The following NOL4 variants were observed in gnomAD, a reference collection of about 807,000 sequenced individuals.
The protein encoded by NOL4 is nucleolar protein 4, also known as cancer/testis antigen 125.
In NOL4, 17 loss-of-function variants were observed where a neutral mutation model predicts 75.9. That is an observed-to-expected ratio of 0.22 (90% CI 0.15 to 0.34). The LOEUF is 0.34. NOL4 is among the 10% of genes least tolerant of loss of function. NOL4 has a pLI of 1.00. For synonymous variants in NOL4, 292 were observed against 289.9 expected, an observed-to-expected ratio of 1.01 and a Z score of -0.07; for missense variants, 614 against 793.5, an observed-to-expected ratio of 0.77 and a Z score of 2.72.
At chr18:34,046,737 C>A (rs2076398806) in intron 5 of NOL4, among the ~76,000 whole-genome samples, 1 of 149,588 alleles carries the variant, frequency 6.7e-6, no homozygotes, top group South Asian at 2.1e-4. Context: ...CTGCTCACTG[C>A]CTTCTGCAGT....
intron 1 of NOL4, chr18:34,220,894 G>T (rs1231602020): frequency 4.0e-5 from 6 of 151,738 alleles, no homozygotes; most frequent in Admixed American, 2.6e-4. Flanking sequence ...CCCTGAAGTT[G>T]TCACTCTATA....
chr18:34,071,898 C>T (rs2077535072), intron 5 of NOL4, among the ~76,000 whole-genome samples: 1 of 151,964 alleles, frequency 6.6e-6, no homozygotes, highest in Non-Finnish European at 1.5e-5. Context: ...ATATGATAAC[C>T]TACAGAGCTA....
intron 10 of NOL4, among the ~76,000 whole-genome samples, chr18:33,856,679 G>A (rs1217753360): frequency 1.3e-5 from 2 of 151,976 alleles, no homozygotes; most frequent in Non-Finnish European, 2.9e-5. Context: ...TTTACTACAG[G>A]GGTTGGTGAA....
intron 5 of NOL4, chr18:34,048,459 T>G: frequency 2.2e-5 from 22 of 985,406 alleles, no homozygotes; most frequent in Non-Finnish European, 2.7e-5. Context: ...GCTCTTCAAC[T>G]TAAATACCAA....
chr18:34,081,542 T>G (rs1226218236), intron 5 of NOL4, among the ~76,000 whole-genome samples: 2 of 152,156 alleles, frequency 1.3e-5, no homozygotes, highest in Admixed American at 1.3e-4. Context: ...ACATATATAT[T>G]TTATTGTATG....
chr18:33,858,100 T>C (rs1310342528), intron 10 of NOL4, among the ~76,000 whole-genome samples: 1 of 152,114 alleles, frequency 6.6e-6, no homozygotes, highest in African/African-American at 2.4e-5. Context: ...TGTTTGTTAA[T>C]TGACTATTCA....
intron 5 of NOL4, chr18:34,048,303 TAAC>T (rs1043514723): frequency 1.4e-5 from 5 of 364,160 alleles, no homozygotes; most frequent in Admixed American, 6.4e-5. Flanking sequence ...GACCTTTAAA[TAAC>T]AACTGAACTA....
chr18:34,211,204 ACTG>A (rs2036493344), intron 1 of NOL4, among the ~76,000 whole-genome samples: 1 of 152,216 alleles, frequency 6.6e-6, no homozygotes, highest in East Asian at 1.9e-4. Context: ...TGTTCAAATT[ACTG>A]CTAATTATGA....
intron 5 of NOL4, among the ~76,000 whole-genome samples, chr18:34,039,338 G>A (rs549635398): frequency 3.3e-5 from 5 of 151,978 alleles, no homozygotes; most frequent in African/African-American, 4.8e-5. Context: ...CATAGGTCTG[G>A]GTGGCTTTTT....
At chr18:34,125,954 C>G (rs2080366057) in intron 2 of NOL4, among the ~76,000 whole-genome samples, 2 of 132,832 alleles carry the variant, frequency 1.5e-5, no homozygotes, top group Non-Finnish European at 3.3e-5. Context: ...ATAGTGACAT[C>G]TACAGGATGC....
chr18:33,908,009 C>A (rs1368683225), intron 9 of NOL4, among the ~76,000 whole-genome samples: 1 of 152,218 alleles, frequency 6.6e-6, no homozygotes. Context: ...TTGTTATCAA[C>A]TTTCCCAGAG....
intron 5 of NOL4, among the ~76,000 whole-genome samples, chr18:34,042,739 A>C (rs2076194411): frequency 6.6e-6 from 1 of 152,028 alleles, no homozygotes; most frequent in African/African-American, 2.4e-5. Flanking sequence ...TCCATATTAC[A>C]AATAAGAGAA....
intron 5 of NOL4, among the ~76,000 whole-genome samples, chr18:34,035,153 G>A (rs2075828197): frequency 6.6e-6 from 1 of 152,060 alleles, no homozygotes; most frequent in African/African-American, 2.4e-5. Flanking sequence ...TTTAACAACT[G>A]CAGAATACAC....
intron 9 of NOL4, among the ~76,000 whole-genome samples, chr18:33,895,405 A>C (rs2065339104): frequency 6.6e-6 from 1 of 152,028 alleles, no homozygotes; most frequent in African/African-American, 2.4e-5. Flanking sequence ...TAACCAAAAA[A>C]CTCCATATTT....
intron 5 of NOL4, among the ~76,000 whole-genome samples, chr18:34,046,663 C>T (rs1358199755): frequency 9.7e-6 from 1 of 103,576 alleles, no homozygotes; most frequent in Non-Finnish European, 2.1e-5. Flanking sequence ...TCTGCTATCT[C>T]AATAAATGGT....
intron 1 of NOL4, among the ~76,000 whole-genome samples, chr18:34,171,807 A>G (rs2033068147): frequency 6.6e-6 from 1 of 152,174 alleles, no homozygotes; most frequent in African/African-American, 2.4e-5. Flanking sequence ...ACTTTTATCA[A>G]GTAGTATTCT....
At chr18:34,218,402 A>T (rs1489153824) in intron 1 of NOL4, among the ~76,000 whole-genome samples, 6 of 152,168 alleles carry the variant, frequency 3.9e-5, no homozygotes, top group Non-Finnish European at 7.3e-5. Context: ...AAAAATAAAA[A>T]ACTGGTATCT....
chr18:34,033,897 G>A (rs1194719107), intron 5 of NOL4, among the ~76,000 whole-genome samples: 1 of 151,714 alleles, frequency 6.6e-6, no homozygotes, highest in Admixed American at 6.6e-5. Flanking sequence ...CATATTCAAA[G>A]TGCTAAAAAG....
chr18:34,153,074 TA>T (rs913637058), intron 1 of NOL4, among the ~76,000 whole-genome samples: 1 of 151,864 alleles, frequency 6.6e-6, no homozygotes, highest in Non-Finnish European at 1.5e-5. Flanking sequence ...CTCTTATGTG[TA>T]GGAAACAACG....
Sources: allele counts gnomAD v4.1 joint callset (sites outside exome capture counted in the v4.1 genomes callset), GRCh38; gene constraint gnomAD v4.1.1; transcripts MANE v1.5; gene names NCBI Gene and HGNC (gene_info 2026-07-23, HGNC 2026-07-21).